Variants in AGBL1 observed in about 807,000 individuals in gnomAD.
The protein encoded by AGBL1 is cytosolic carboxypeptidase 4.
AGBL1 carries 130 observed loss-of-function variants against 118.9 expected under a neutral mutation model. That is an observed-to-expected ratio of 1.09 (90% CI 0.95 to 1.26). AGBL1 has a LOEUF of 1.26. Ranked by LOEUF, AGBL1 falls within the 50% of genes most tolerant of loss-of-function variation. AGBL1 has a pLI of 0.00. For missense variants in AGBL1, 1,584 were observed against 1,298.1 expected (o/e 1.22, Z -3.38); for synonymous variants, 555 against 478.9 (o/e 1.16, Z -2.08).
intron 21 of AGBL1, among the ~76,000 whole-genome samples, chr15:86,663,376 CTG>C (rs2085581396): frequency 6.6e-6 from 1 of 152,182 alleles, no homozygotes; most frequent in South Asian, 2.1e-4. Flanking sequence ...TTCCCTCACT[CTG>C]TGGTCTTAGA....
chr15:86,849,587 A>G (rs1003373635), intron 22 of AGBL1, among the ~76,000 whole-genome samples: 1 of 145,956 alleles, frequency 6.9e-6, no homozygotes, highest in Non-Finnish European at 1.5e-5. Context: ...TCATGTGAGA[A>G]TAAAATTGCC....
chr15:86,899,827 G>GCGA (rs2080185893), intron 22 of AGBL1, among the ~76,000 whole-genome samples: 1 of 152,160 alleles, frequency 6.6e-6, no homozygotes, highest in Admixed American at 6.5e-5. Context: ...ATTGAAGGAT[G>GCGA]CGACATATTA....
At chr15:86,259,228 A>G (rs905536855) in intron 9 of AGBL1, among the ~76,000 whole-genome samples, 2 of 152,138 alleles carry the variant, frequency 1.3e-5, no homozygotes, top group African/African-American at 2.4e-5. Flanking sequence ...TGAACCAAAA[A>G]TATCTCTTAG....
intron 22 of AGBL1, among the ~76,000 whole-genome samples, chr15:86,712,624 C>G (rs2086578239): frequency 6.6e-6 from 1 of 152,176 alleles, no homozygotes; most frequent in Non-Finnish European, 1.5e-5. Context: ...TTTGGATTCA[C>G]TGTGCAGCAG....
chr15:86,351,612 A>G (rs1224726134), intron 17 of AGBL1, among the ~76,000 whole-genome samples: 1 of 152,202 alleles, frequency 6.6e-6, no homozygotes, highest in Non-Finnish European at 1.5e-5. Flanking sequence ...CCCAGCTTTC[A>G]TTACTTAGGT....
intron 24 of AGBL1, among the ~76,000 whole-genome samples, chr15:87,006,365 G>A (rs889112730): frequency 2.0e-5 from 3 of 152,104 alleles, no homozygotes; most frequent in African/African-American, 7.2e-5. Context: ...CTGCCGCTTT[G>A]TTTACCTACT....
intron 19 of AGBL1, among the ~76,000 whole-genome samples, chr15:86,527,088 G>A (rs914956352): frequency 1.2e-4 from 18 of 152,154 alleles, no homozygotes; most frequent in African/African-American, 4.3e-4. Context: ...AGAAGGCACT[G>A]TAATCTCTGC....
intron 17 of AGBL1, among the ~76,000 whole-genome samples, chr15:86,319,325 A>G (rs2080067542): frequency 6.6e-6 from 1 of 152,182 alleles, no homozygotes; most frequent in African/African-American, 2.4e-5. Context: ...ATCCTGGCTA[A>G]CTTTCTGATT....
In AGBL1 at chr15:86,812,149, G is replaced by T. The variant is rs141802524; in HGVS notation, c.3159-94938G>T. 2.0e-5 allele frequency among the ~76,000 whole-genome samples: 3 copies of T among 152,226 alleles called. No homozygotes were observed. In the South Asian group the frequency reaches 6.2e-4, roughly 32 times the overall value. On this transcript the variant is annotated intron_variant, in intron 22 of 22. Coordinates refer to ENST00000614907, the MANE Select transcript of AGBL1 (RefSeq NM_001386094.1). ...CCTAGCCTAGTATGACAATGTGTGC[G>T]CTTACTTTTTATTTTTCATATTTTC...
chr15:86,380,625 C>T (rs2141959805), intron 17 of AGBL1, among the ~76,000 whole-genome samples: 1 of 143,570 alleles, frequency 7.0e-6, no homozygotes, highest in South Asian at 2.3e-4. Flanking sequence ...CTCTCTGCTT[C>T]TTTGGTGTTT....
chr15:86,707,515 G>A (rs538977907), intron 22 of AGBL1, among the ~76,000 whole-genome samples: 3 of 152,180 alleles, frequency 2.0e-5, no homozygotes, highest in African/African-American at 7.2e-5. Context: ...CATCCCTCAT[G>A]TTCTAAAGAT....
chr15:86,386,035 C>T (rs1344079232), intron 17 of AGBL1, among the ~76,000 whole-genome samples: 1 of 6,924 alleles, frequency 1.4e-4, no homozygotes, highest in Non-Finnish European at 2.5e-4. Context: ...TCCCTCTCAT[C>T]CTCCTCCTCT....
intron 22 of AGBL1, among the ~76,000 whole-genome samples, chr15:86,827,414 T>C (rs1228008234): frequency 1.4e-4 from 1 of 7,142 alleles, no homozygotes; most frequent in Non-Finnish European, 1.9e-4. Flanking sequence ...TATATGTGTA[T>C]ATATATATAT....
In AGBL1 at chr15:86,755,037, A is replaced by G. The variant is rs529282164; in HGVS notation, c.3158+80601A>G. On this transcript the variant is annotated intron_variant, in intron 22 of 22. Coordinates refer to ENST00000614907, the MANE Select transcript of AGBL1 (RefSeq NM_001386094.1). ...ATCAGAAACCTTTCATTGCAAAATGATGGCATGGGAAATTGCATCATCCAT... is the reference window on the plus strand; with the variant it reads ...ATCAGAAACCTTTCATTGCAAAATGGTGGCATGGGAAATTGCATCATCCAT... Among the ~76,000 whole-genome samples the G allele has an allele frequency of 2.6e-5, 4 of 152,256 alleles. No homozygotes were observed. The South Asian group carries it at 6.2e-4, about 24-fold the overall frequency.
At chr15:86,482,878 G>T (rs560808749) in intron 18 of AGBL1, among the ~76,000 whole-genome samples, 5 of 151,936 alleles carry the variant, frequency 3.3e-5, no homozygotes, top group Non-Finnish European at 5.9e-5. Context: ...GATGAAGGAT[G>T]ACAAGGTTCA....
At chr15:86,802,547 C>A (rs911461401) in intron 22 of AGBL1, among the ~76,000 whole-genome samples, 1 of 152,110 alleles carries the variant, frequency 6.6e-6, no homozygotes, top group African/African-American at 2.4e-5. Flanking sequence ...TTTAGTCTAG[C>A]ATATACTTAA....
At chr15:86,770,296 T>A (rs2078158545) in intron 22 of AGBL1, among the ~76,000 whole-genome samples, 1 of 151,918 alleles carries the variant, frequency 6.6e-6, no homozygotes, top group South Asian at 2.1e-4. Context: ...AGTGCAGTGG[T>A]CCCTCCATGG....
Position 86,909,880 on chromosome 15 carries a change from A to G in AGBL1, c.*2586A>G, listed in dbSNP as rs1430615567. The stretch of plus-strand genomic sequence containing the variant: ...CTTAAAAAACGTGACCATGACAGAT[A>G]AGTTTTTATGTGGCATGTTCAGAAA... On this transcript the variant is annotated 3_prime_UTR_variant, in exon 23 of 23. Coordinates refer to ENST00000614907, the MANE Select transcript of AGBL1 (RefSeq NM_001386094.1). 1 of 152,198 alleles carries G rather than the reference A, an allele frequency of 6.6e-6. No individual in the cohort carries two copies. Among genetic ancestry groups the G allele is most frequent in the African/African-American group, 2.4e-5 (1 of 41,446 alleles). The allele number at this position is 152,198 out of a possible 1,614,324, so 9.4% of individuals were successfully genotyped here. A position where few individuals can be genotyped will look rare whatever the true frequency, so the allele number is the denominator to read the frequency against.
At chr15:87,017,434 G>A (rs921266169) in intron 24 of AGBL1, among the ~76,000 whole-genome samples, 2 of 152,118 alleles carry the variant, frequency 1.3e-5, no homozygotes, top group Non-Finnish European at 1.5e-5. Context: ...GGAAGAAGCA[G>A]GCTGCAATCT....
Sources: allele counts gnomAD v4.1 joint callset (sites outside exome capture counted in the v4.1 genomes callset), GRCh38; gene constraint gnomAD v4.1.1; transcripts MANE v1.5; gene names NCBI Gene and HGNC (gene_info 2026-07-23, HGNC 2026-07-21).